The following TAGLN2 variants were observed in gnomAD, a reference collection of about 807,000 sequenced individuals.
The protein encoded by TAGLN2 is transgelin-2.
In TAGLN2, 14 loss-of-function variants were observed where a neutral mutation model predicts 24.9. That is an observed-to-expected ratio of 0.56 (90% confidence interval 0.37 to 0.88). The LOEUF is 0.88. Among genes scored for constraint, TAGLN2 ranks in the 40% least tolerant of loss-of-function variants. The pLI, the probability that TAGLN2 is intolerant of heterozygous loss-of-function variation, is 0.00. For missense variants in TAGLN2, 208 were observed against 258.9 expected (o/e 0.80, Z 1.35); for synonymous variants, 77 against 98.2 (o/e 0.78, Z 1.28).
chr1:159,921,788 G>C (rs1478954224), intron 1 of TAGLN2, among the ~76,000 whole-genome samples: 1 of 152,198 alleles, frequency 6.6e-6, no homozygotes, highest in Non-Finnish European at 1.5e-5. Flanking sequence ...ACCTCACTGT[G>C]GCAGTGTGTT....
At chr1:159,923,692 C>CTTCTTAAATG in intron 1 of TAGLN2, 2 of 463,124 alleles carry the variant, frequency 4.3e-6, no homozygotes, top group Non-Finnish European at 7.7e-6. Context: ...TTAAGGGAAC[C>CTTCTTAAATG]ACCGTAGGGC....
intron 1 of TAGLN2, chr1:159,923,618 T>A: frequency 1.3e-6 from 1 of 758,552 alleles, no homozygotes; most frequent in Non-Finnish European, 2.0e-6. Flanking sequence ...AGCAGCACAG[T>A]GAGGGCACCA....
In TAGLN2 at chr1:159,919,330, C is replaced by T. The variant is rs1401233602; in HGVS notation, c.402G>A (p.Gly134=). Residue 134 remains glycine, a synonymous_variant, in exon 4 of 5, where the codon GGG becomes GGA. Transcript: ENST00000368097. ...GCCCATCATCTCGGGCTACTGCCAG[C>T]CCACCCAGATTCATCAGCGTCCGCT... ...CVQRTLMNLG[G]LAVARDDGLF... is the part of the protein sequence containing the mutation. 2 of 1,614,102 alleles carry T rather than the reference C, an allele frequency of 1.2e-6. No homozygotes were observed. Among genetic ancestry groups the T allele is most frequent in the African/African-American group, 1.3e-5 (1 of 74,930 alleles).
intron 1 of TAGLN2, among the ~76,000 whole-genome samples, chr1:159,921,251 T>C (rs1471302460): frequency 6.6e-6 from 1 of 152,222 alleles, no homozygotes; most frequent in Non-Finnish European, 1.5e-5. Flanking sequence ...AGGGACTTCG[T>C]AGATGTGATT....
intron 1 of TAGLN2, 35 bp from the exon 2 acceptor site, chr1:159,920,572 A>G: frequency 6.3e-7 from 1 of 1,592,818 alleles, no homozygotes; most frequent in Non-Finnish European, 8.6e-7. Flanking sequence ...TTTGGTCAAC[A>G]CCTTGCAGCC....
At chr1:159,920,059 C>A in intron 2 of TAGLN2, 3 of 757,474 alleles carry the variant, frequency 4.0e-6, no homozygotes, top group Non-Finnish European at 6.9e-6. Flanking sequence ...TGCTAATATA[C>A]CCTCCCACAG....
intron 1 of TAGLN2, among the ~76,000 whole-genome samples, chr1:159,923,192 C>T (rs2101868401): frequency 6.6e-6 from 1 of 152,326 alleles, no homozygotes; most frequent in South Asian, 2.1e-4. Context: ...AGTTGCCTAC[C>T]AGGGTGAGAA....
In TAGLN2 at chr1:159,920,345, C is replaced by A. The variant is rs775271603; in HGVS notation, c.165G>T (p.Trp55Cys). ...PQPGRENFQN[W>C]LKDGTVLCEL... Reference sequence around the variant, plus strand: ...CGGCTCTCACCGTGCCATCCTTGAGCCAGTTCTGGAAGTTCTCGCGTCCAG... The same window carrying A: ...CGGCTCTCACCGTGCCATCCTTGAGACAGTTCTGGAAGTTCTCGCGTCCAG... The change falls in exon 2 of 5, where the codon TGG (tryptophan) becomes TGT (cysteine). Residue 55 changes from tryptophan to cysteine, a missense_variant. Physicochemically the swap from Trp to Cys is radical, Grantham distance 215. Transcript: ENST00000368097. 1 of 1,614,262 alleles carries A rather than the reference C, an allele frequency of 6.2e-7. No individual in the cohort carries two copies. Among genetic ancestry groups the A allele is most frequent in the Non-Finnish European group, 8.5e-7 (1 of 1,180,052 alleles).
rs150708801 is a variant in TAGLN2, at chr1:159,919,037, G to A, written c.459-96C>T. 1,446 of 1,552,426 alleles carry A rather than the reference G, an allele frequency of 9.3e-4. 15 individuals carry two copies. In the African/African-American group the frequency reaches 0.018, roughly 19 times the overall value. ...CACAGGCTTTGCTGTTGGCTCAAGGGCTGGTGCCAGCTCTGCCCTCGAGAG... is the reference window on the plus strand; with the variant it reads ...CACAGGCTTTGCTGTTGGCTCAAGGACTGGTGCCAGCTCTGCCCTCGAGAG... On this transcript the variant is annotated intron_variant, in intron 4 of 4. Coordinates refer to ENST00000368097, the MANE Select transcript of TAGLN2 (RefSeq NM_003564.3).
At position 159,918,625 on chromosome 1, in the gene TAGLN2, A is replaced by T; in HGVS notation, c.*175T>A. The T allele has an allele frequency of 1.2e-6, 1 of 847,570 alleles. No individual in the cohort carries two copies. The highest frequency in any genetic ancestry group is 1.7e-5 in the South Asian group (1 of 57,892). 52.5% of individuals were successfully genotyped at this position (847,570 alleles called of 1,614,324 possible). A position where few individuals can be genotyped will look rare whatever the true frequency, so the allele number is the denominator to read the frequency against. ...TGGGGAAGGGAATGTATTAGTAAGC[A>T]TGGGGGAGAGGATGCCAGCAGGCAC... On this transcript the variant is annotated 3_prime_UTR_variant, in exon 5 of 5. Transcript: ENST00000368097.
In TAGLN2 at chr1:159,925,472, G is replaced by C. The variant is rs943925804; in HGVS notation, c.-51C>G. The C allele has an allele frequency of 6.6e-6, 1 of 152,334 alleles. No homozygotes were observed. Among genetic ancestry groups the C allele is most frequent in the Non-Finnish European group, 1.5e-5 (1 of 68,136 alleles). 9.4% of individuals were successfully genotyped at this position (152,334 alleles called of 1,614,324 possible). A position where few individuals can be genotyped will look rare whatever the true frequency, so the allele number is the denominator to read the frequency against. ...CACCGTTCAAGCGGGCTGGAGAGCG[G>C]CGCACTGACTCAAGGCAAGGGCTGC... On this transcript the variant is annotated 5_prime_UTR_variant, in exon 1 of 5. Transcript: ENST00000368097.
rs1650452721 is a variant in TAGLN2, at chr1:159,919,505, T to G, written c.356-129A>C. The G allele has an allele frequency of 3.0e-6, 4 of 1,316,872 alleles. No individual in the cohort carries two copies. The African/African-American group carries it at 4.4e-5, about 14-fold the overall frequency. The allele number at this position is 1,316,872 out of a possible 1,614,324, so 81.6% of individuals were successfully genotyped here. ...TGTTCATTTCCATACCCTTCTCCAT[T>G]CCAGCCTCCAATATGACCAAGTGCT... On this transcript the variant is annotated intron_variant, in intron 3 of 4. Transcript: ENST00000368097.
Position 159,920,231 on chromosome 1 carries a change from T to C in TAGLN2, c.180+99A>G, listed in dbSNP as rs953797835. On this transcript the variant is annotated intron_variant, in intron 2 of 4. Coordinates refer to ENST00000368097, the MANE Select transcript of TAGLN2 (RefSeq NM_003564.3). ...GCTGAGGAAGAGGCTGGGACATGTG[T>C]GCCTTCAGTCTTCTCCTCTTCAGGT... The C allele has an allele frequency of 3.2e-6, 5 of 1,576,486 alleles. No homozygotes were observed. In the African/African-American group the frequency reaches 5.4e-5, roughly 17 times the overall value.
At chr1:159,920,134 C>T in intron 2 of TAGLN2, 196 bp downstream of exon 2, 1 of 916,192 alleles carries the variant, frequency 1.1e-6, no homozygotes, top group South Asian at 1.4e-5. Flanking sequence ...GAGGCACATT[C>T]ACCCTTACCC....
intron 3 of TAGLN2, 69 bp from the exon 4 acceptor site, chr1:159,919,445 T>C: frequency 6.6e-7 from 1 of 1,524,372 alleles, no homozygotes; most frequent in Non-Finnish European, 9.1e-7. Context: ...CCTCTATCGC[T>C]AAGTCAGCAG....
At chr1:159,919,245 G>T in intron 4 of TAGLN2, 29 bp downstream of exon 4, 1 of 1,596,760 alleles carries the variant, frequency 6.3e-7, no homozygotes, top group Non-Finnish European at 8.6e-7. Context: ...GCACCTGCTG[G>T]ACCCTGCGGC....
rs1650400355 is a variant in TAGLN2, at chr1:159,918,147, C to T, written c.*653G>A. 6.6e-6 allele frequency: 1 copy of T among 152,292 alleles called. No individual in the cohort carries two copies. The highest frequency in any genetic ancestry group is 2.4e-5 in the African/African-American group (1 of 41,436). 9.4% of individuals were successfully genotyped at this position (152,292 alleles called of 1,614,324 possible). A position where few individuals can be genotyped will look rare whatever the true frequency, so the allele number is the denominator to read the frequency against. On this transcript the variant is annotated 3_prime_UTR_variant, in exon 5 of 5. Transcript: ENST00000368097. ...CAAATTCTTTATTTAAATCAACAAA[C>T]TCATCTTCCTCAAGCCCCAGACCAT...
chr1:159,919,082 ACCT>A (rs1407965774), intron 4 of TAGLN2, 141 bp from the exon 5 acceptor site: 49 of 1,376,940 alleles, frequency 3.6e-5, no homozygotes, highest in Non-Finnish European at 4.3e-5. Context: ...CTCTGAAGCC[ACCT>A]CCTCATCTGT....
At chr1:159,920,155 G>T in intron 2 of TAGLN2, 175 bp downstream of exon 2, 1 of 1,061,364 alleles carries the variant, frequency 9.4e-7, no homozygotes, top group Non-Finnish European at 1.4e-6. Context: ...TCCACTCCAC[G>T]GGAAGGGAGG....
Sources: allele counts gnomAD v4.1 joint callset (sites outside exome capture counted in the v4.1 genomes callset), GRCh38; gene constraint gnomAD v4.1.1; transcripts MANE v1.5; gene names NCBI Gene and HGNC (gene_info 2026-07-23, HGNC 2026-07-21).